DACH2: variants seen among roughly 807,000 people sequenced by gnomAD.
DACH2 encodes the protein dachshund family transcription factor 2.
DACH2 carries 17 observed loss-of-function variants against 35.8 expected under a neutral mutation model. The observed-to-expected ratio is 0.48, with a 90% CI of 0.33 to 0.71. DACH2 has a LOEUF of 0.71. DACH2 is among the 30% of genes least tolerant of loss of function. The pLI, the probability that DACH2 is intolerant of heterozygous loss-of-function variation, is 0.02. For synonymous variants in DACH2, 195 were observed against 177.3 expected (o/e 1.10, Z -0.79); for missense variants, 469 against 472.7 (o/e 0.99, Z 0.07).
chrX:86,196,255 G>A (rs2031979917), intron 1 of DACH2, among the ~76,000 whole-genome samples: 1 of 111,722 alleles, frequency 9.0e-6, no homozygotes, highest in African/African-American at 3.3e-5. Flanking sequence ...AACTGATAGA[G>A]CTGAAAAACA....
intron 3 of DACH2, among the ~76,000 whole-genome samples, chrX:86,638,627 C>T (rs973675548): frequency 8.9e-6 from 1 of 111,758 alleles, no homozygotes; most frequent in Non-Finnish European, 1.9e-5. Flanking sequence ...GAAAAGAAGA[C>T]ATACAAATGG....
At chrX:86,577,760 A>T (rs916538157) in intron 3 of DACH2, among the ~76,000 whole-genome samples, 2 of 111,131 alleles carry the variant, frequency 1.8e-5, no homozygotes, top group Non-Finnish European at 3.8e-5. Flanking sequence ...GTTGATCACC[A>T]TTGACCAATG....
intron 1 of DACH2, among the ~76,000 whole-genome samples, chrX:86,346,494 A>G (rs2035499777): frequency 9.0e-6 from 1 of 111,009 alleles, no homozygotes; most frequent in Admixed American, 9.7e-5. Flanking sequence ...CCTATAAACT[A>G]AAATAGCATG....
intron 7 of DACH2, among the ~76,000 whole-genome samples, chrX:86,755,841 C>A (rs916938090): frequency 9.1e-6 from 1 of 110,213 alleles, no homozygotes; most frequent in African/African-American, 3.3e-5. Context: ...TCGTGATCCA[C>A]CCGCCTCAGC....
intron 1 of DACH2, among the ~76,000 whole-genome samples, chrX:86,260,896 C>T (rs1052533288): frequency 2.7e-5 from 3 of 111,436 alleles, no homozygotes; most frequent in Non-Finnish European, 5.7e-5. Context: ...TGCAGAGGCA[C>T]CTAAAGTATC....
At chrX:86,825,400 G>A (rs1482918861) in intron 11 of DACH2, among the ~76,000 whole-genome samples, 4 of 103,698 alleles carry the variant, frequency 3.9e-5, no homozygotes, top group Non-Finnish European at 7.9e-5. Flanking sequence ...CTGTGCAACA[G>A]AGCAAGACTC....
intron 3 of DACH2, among the ~76,000 whole-genome samples, chrX:86,535,236 G>T (rs1218479665): frequency 9.0e-6 from 1 of 111,731 alleles, no homozygotes; most frequent in African/African-American, 3.3e-5. Flanking sequence ...CTGAAAATGA[G>T]AATTCAAAAT....
At position 86,673,262 on chromosome X, in the gene DACH2, G is replaced by A. The variant is rs199726735; in HGVS notation, c.773-21759G>A. ...TGAGGCAGGAGAATGGTGTGAACCT[G>A]GGAGGCGGAGCTTGCAGTGAGCCAA... is the stretch of plus-strand genomic sequence containing the variant. On this transcript the variant is annotated intron_variant, in intron 4 of 11. Coordinates refer to ENST00000373125, the MANE Select transcript of DACH2 (RefSeq NM_053281.3). 3.0e-4 allele frequency among the ~76,000 whole-genome samples: 31 copies of A among 103,711 alleles called. No homozygotes were observed. In the East Asian group the frequency reaches 3.5e-3, roughly 12 times the overall value. The allele number at this position is 103,711 out of a possible 115,157, so 90.1% of individuals were successfully genotyped here.
chrX:86,601,835 G>C (rs1295979375), intron 3 of DACH2, among the ~76,000 whole-genome samples: 1 of 112,015 alleles, frequency 8.9e-6, no homozygotes, highest in Admixed American at 9.5e-5. Flanking sequence ...TATTATTTGA[G>C]GGTCTTTTAT....
chrX:86,676,970 G>C (rs1424609543), intron 4 of DACH2, among the ~76,000 whole-genome samples: 1 of 110,418 alleles, frequency 9.1e-6, no homozygotes, highest in Non-Finnish European at 1.9e-5. Flanking sequence ...CAATTCAAAG[G>C]CACACAGAGA....
chrX:86,612,484 A>G (rs776292829), intron 3 of DACH2, among the ~76,000 whole-genome samples: 81 of 111,523 alleles, frequency 7.3e-4, no homozygotes, highest in Non-Finnish European at 1.1e-3. Flanking sequence ...AGAGCAATTT[A>G]GCCTACAGGG....
intron 2 of DACH2, among the ~76,000 whole-genome samples, chrX:86,387,983 A>G (rs2036146062): frequency 8.9e-6 from 1 of 112,711 alleles, no homozygotes; most frequent in Admixed American, 9.4e-5. Flanking sequence ...ATGTGCTCCC[A>G]GCCAATGGCT....
At chrX:86,341,861 G>A (rs2035419457) in intron 1 of DACH2, among the ~76,000 whole-genome samples, 1 of 111,858 alleles carries the variant, frequency 8.9e-6, no homozygotes, top group Non-Finnish European at 1.9e-5. Context: ...AAGAGAACTA[G>A]AATTAAAAGT....
intron 4 of DACH2, among the ~76,000 whole-genome samples, chrX:86,668,396 T>C (rs572033674): frequency 2.7e-5 from 3 of 112,090 alleles, no homozygotes; most frequent in African/African-American, 9.7e-5. Flanking sequence ...TGTCTATAAC[T>C]TTTCTGATCT....
intron 4 of DACH2, among the ~76,000 whole-genome samples, chrX:86,654,129 C>T (rs1169447598): frequency 4.1e-5 from 4 of 97,937 alleles, no homozygotes; most frequent in Non-Finnish European, 6.0e-5. Flanking sequence ...CCATGAGAGC[C>T]GTGCACATGA....
intron 2 of DACH2, among the ~76,000 whole-genome samples, chrX:86,466,918 G>A (rs111989243): frequency 9.0e-6 from 1 of 111,006 alleles, no homozygotes; most frequent in Non-Finnish European, 1.9e-5. Flanking sequence ...CACAGCACAG[G>A]GACCCTGGAC....
intron 3 of DACH2, among the ~76,000 whole-genome samples, chrX:86,593,170 T>C (rs1443227069): frequency 2.7e-5 from 3 of 110,842 alleles, no homozygotes; most frequent in Non-Finnish European, 5.7e-5. Flanking sequence ...GGATGTTCTT[T>C]ATCAAGTTGA....
chrX:86,268,238 C>T (rs1426812171), intron 1 of DACH2, among the ~76,000 whole-genome samples: 2 of 111,526 alleles, frequency 1.8e-5, no homozygotes, highest in Non-Finnish European at 3.8e-5. Context: ...ACTCAAATTC[C>T]TTGTGTTCTT....
chrX:86,613,934 A>C (rs915903708), intron 3 of DACH2, among the ~76,000 whole-genome samples: 2 of 111,870 alleles, frequency 1.8e-5, no homozygotes, highest in African/African-American at 6.5e-5. Flanking sequence ...AAAGTACAGA[A>C]TATACTCTTT....
Sources: gnomAD v4.1 joint callset for allele counts (sites outside exome capture counted in the v4.1 genomes callset) on GRCh38, gnomAD v4.1.1 for gene constraint, MANE v1.5 for transcripts, NCBI Gene and HGNC (gene_info 2026-07-23, HGNC 2026-07-21) for gene names.